The following PIBF1 variants were observed in gnomAD, a reference collection of about 807,000 sequenced individuals.
PIBF1 encodes progesterone immunomodulatory binding factor 1.
PIBF1 carries 90 observed loss-of-function variants against 112.5 expected under a neutral mutation model. The ratio of observed to expected loss-of-function variants is 0.80; its 90% CI spans 0.67 to 0.95. The LOEUF (loss-of-function observed/expected upper bound fraction) is 0.95, where lower values mean the gene tolerates loss of function less well. Ranked by LOEUF, PIBF1 falls within the 40% of genes least tolerant of loss-of-function variation. PIBF1 has a pLI of 0.00. For synonymous variants in PIBF1, 301 were observed against 288.6 expected (o/e 1.04, Z -0.44); for missense variants, 915 against 852.3 (o/e 1.07, Z -0.92).
intron 15 of PIBF1, among the ~76,000 whole-genome samples, chr13:72,972,012 ATT>A (rs1484051366): frequency 1.7e-5 from 2 of 119,330 alleles, no homozygotes; most frequent in East Asian, 4.4e-4. Context: ...TCATTTATTT[ATT>A]TATTTATTTA....
At chr13:72,895,313 T>G (rs1167206655) in intron 11 of PIBF1, among the ~76,000 whole-genome samples, 1 of 149,214 alleles carries the variant, frequency 6.7e-6, no homozygotes, top group South Asian at 2.1e-4. Context: ...ATATTTAAAC[T>G]TAAATAATAT....
chr13:72,836,242 G>T (rs1229680387), intron 9 of PIBF1: 2 of 331,646 alleles, frequency 6.0e-6, no homozygotes, highest in East Asian at 1.7e-4. Context: ...TTTTTATACC[G>T]TTATTATAGT....
chr13:72,963,904 A>G (rs549244028), intron 14 of PIBF1, among the ~76,000 whole-genome samples: 1 of 152,310 alleles, frequency 6.6e-6, no homozygotes, highest in Admixed American at 6.5e-5. Flanking sequence ...TGGTATCACC[A>G]CTGTGGAACC....
At chr13:72,795,589 CAT>C (rs750980318) in intron 4 of PIBF1, 32 bp downstream of exon 4, 7 of 1,296,716 alleles carry the variant, frequency 5.4e-6, no homozygotes, top group African/African-American at 3.0e-5. Context: ...TTAACTATGA[CAT>C]ATATTTTCAG....
chr13:72,832,934 G>A (rs1203175411), intron 8 of PIBF1, among the ~76,000 whole-genome samples: 1 of 151,996 alleles, frequency 6.6e-6, no homozygotes, highest in Non-Finnish European at 1.5e-5. Context: ...TTTTCACGTA[G>A]TCCCGTATTT....
rs770502728 is a variant in PIBF1 at position 72,973,682 on chromosome 13, T to C, written c.2049+7T>C. Reference sequence around the variant, plus strand: ...ACTTCTAAATCATCGTGAGGTATTTTTCCTATTTTGTCATAATTGTAATCA... The same window carrying C: ...ACTTCTAAATCATCGTGAGGTATTTCTCCTATTTTGTCATAATTGTAATCA... On this transcript the variant is annotated splice_region_variant and intron_variant, in intron 16 of 17. Coordinates refer to ENST00000326291, the MANE Select transcript of PIBF1 (RefSeq NM_006346.4). The C allele has an allele frequency of 2.6e-5, 38 of 1,488,506 alleles. No homozygotes were observed. The highest frequency in any genetic ancestry group is 3.3e-5 in the Non-Finnish European group (36 of 1,078,058). 92.2% of individuals were successfully genotyped at this position (1,488,506 alleles called of 1,614,324 possible). A position where few individuals can be genotyped will look rare whatever the true frequency, so the allele number is the denominator to read the frequency against.
intron 14 of PIBF1, among the ~76,000 whole-genome samples, chr13:72,934,491 G>C (rs1273417861): frequency 6.6e-6 from 1 of 151,996 alleles, no homozygotes; most frequent in Admixed American, 6.6e-5. Context: ...TAGAGATAAG[G>C]TTTCACCATG....
intron 2 of PIBF1, among the ~76,000 whole-genome samples, chr13:72,784,877 TTTG>T (rs907150536): frequency 1.2e-4 from 18 of 152,160 alleles, no homozygotes; most frequent in East Asian, 5.8e-4. Context: ...TTTGTTGTTT[TTTG>T]TTGTTGTTGT....
rs555248576 is a variant in PIBF1, at chr13:72,971,058, A to G, written c.1965-2533A>G. On this transcript the variant is annotated intron_variant, in intron 15 of 17. Transcript: ENST00000326291. ...AGAATACTTTATTTTTGAAAAGTTA[A>G]AACACGACAATATAAAAGCATTTGT... Among the ~76,000 whole-genome samples the G allele has an allele frequency of 5.7e-4, 87 of 152,294 alleles. 1 individual carries two copies. The highest frequency in any genetic ancestry group is 6.8e-3 in the Middle Eastern group (2 of 294).
At chr13:72,995,904 T>A (rs2043639494) in intron 16 of PIBF1, among the ~76,000 whole-genome samples, 1 of 150,726 alleles carries the variant, frequency 6.6e-6, no homozygotes, top group Non-Finnish European at 1.5e-5. Flanking sequence ...AGCCGAGATC[T>A]TGCCACTGCA....
At chr13:72,836,841 A>C (rs2037383128) in intron 9 of PIBF1, among the ~76,000 whole-genome samples, 1 of 152,110 alleles carries the variant, frequency 6.6e-6, no homozygotes, top group South Asian at 2.1e-4. Context: ...GCTTGCATAG[A>C]TCTTTATCTA....
At chr13:73,002,315 A>G (rs911195438) in intron 17 of PIBF1, among the ~76,000 whole-genome samples, 1 of 152,186 alleles carries the variant, frequency 6.6e-6, no homozygotes, top group Non-Finnish European at 1.5e-5. Context: ...TTCACCTCCC[A>G]TGACTCTAGT....
chr13:72,871,433 G>A (rs1440344724), intron 10 of PIBF1, among the ~76,000 whole-genome samples: 1 of 152,078 alleles, frequency 6.6e-6, no homozygotes, highest in Non-Finnish European at 1.5e-5. Context: ...AGCCTCCTGA[G>A]TAGCTGGGAT....
chr13:72,962,053 CAT>C, intron 14 of PIBF1, among the ~76,000 whole-genome samples: 1 of 152,106 alleles, frequency 6.6e-6, no homozygotes, highest in African/African-American at 2.4e-5. Flanking sequence ...TTTATGCTAA[CAT>C]AAATTATGTA....
At chr13:72,787,174 CAT>C (rs757100069) in intron 2 of PIBF1, among the ~76,000 whole-genome samples, 1 of 152,120 alleles carries the variant, frequency 6.6e-6, no homozygotes, top group African/African-American at 2.4e-5. Flanking sequence ...GCACTACACA[CAT>C]GATATATATT....
chr13:72,858,698 GT>G (rs748660644), intron 10 of PIBF1, among the ~76,000 whole-genome samples: 17 of 151,968 alleles, frequency 1.1e-4, no homozygotes, highest in African/African-American at 2.2e-4. Flanking sequence ...CTTACAATGT[GT>G]TTTTTTCTTT....
At chr13:72,804,257 T>C (rs1203955053) in intron 5 of PIBF1, among the ~76,000 whole-genome samples, 1 of 152,112 alleles carries the variant, frequency 6.6e-6, no homozygotes, top group African/African-American at 2.4e-5. Flanking sequence ...GAGACTCCAA[T>C]AATAAAAGAG....
chr13:72,917,031 G>C (rs1416040214), intron 12 of PIBF1, 45 bp from the exon 13 acceptor site: 1 of 1,259,508 alleles, frequency 7.9e-7, no homozygotes, highest in Non-Finnish European at 1.1e-6. Context: ...CTTTTTTAAA[G>C]GAAAAATAAA....
chr13:72,848,567 C>G (rs978485543), intron 9 of PIBF1, among the ~76,000 whole-genome samples: 1 of 152,080 alleles, frequency 6.6e-6, no homozygotes, highest in South Asian at 2.1e-4. Flanking sequence ...AACTCTTGGC[C>G]GGGCGCGGTG....
Sources: gnomAD v4.1 joint callset for allele counts (sites outside exome capture counted in the v4.1 genomes callset) on GRCh38, gnomAD v4.1.1 for gene constraint, MANE v1.5 for transcripts, NCBI Gene and HGNC (gene_info 2026-07-23, HGNC 2026-07-21) for gene names.